MANBA: variants seen among roughly 807,000 people sequenced by gnomAD.
The protein encoded by MANBA is beta-mannosidase.
A neutral mutation model predicts 111.1 loss-of-function variants in MANBA; 83 were observed. That is an observed-to-expected ratio of 0.75 (90% CI 0.63 to 0.90). MANBA has a LOEUF of 0.90. Ranked by LOEUF, MANBA falls within the 40% of genes least tolerant of loss-of-function variation. The pLI, the probability that MANBA is intolerant of heterozygous loss-of-function variation, is 0.00. For synonymous variants in MANBA, 370 were observed against 378.7 expected (o/e 0.98, Z 0.27); for missense variants, 1,036 against 1,069.0 (o/e 0.97, Z 0.43).
intron 7 of MANBA, among the ~76,000 whole-genome samples, chr4:102,680,549 T>C (rs773670027): frequency 4.7e-5 from 7 of 150,020 alleles, no homozygotes; most frequent in Non-Finnish European, 8.9e-5. Flanking sequence ...TGAGGTGAGA[T>C]GAGAAAGAAT....
chr4:102,750,086 T>C (rs955101445), intron 1 of MANBA, among the ~76,000 whole-genome samples: 1 of 152,232 alleles, frequency 6.6e-6, no homozygotes, highest in African/African-American at 2.4e-5. Flanking sequence ...TATTAATTGA[T>C]GACTATTTCT....
chr4:102,729,478 A>G, intron 1 of MANBA: 1 of 1,180,596 alleles, frequency 8.5e-7, no homozygotes, highest in Non-Finnish European at 1.3e-6. Context: ...CAGCTCCTGG[A>G]TCTCCTCTTC....
chr4:102,683,023 A>T (rs1008529394), intron 7 of MANBA: 12 of 152,218 alleles, frequency 7.9e-5, no homozygotes, highest in Admixed American at 4.6e-4. Context: ...TCCTAATTCC[A>T]TATCTTTGGC....
chr4:102,645,257 T>C (rs538183292), intron 13 of MANBA, among the ~76,000 whole-genome samples: 3 of 152,108 alleles, frequency 2.0e-5, no homozygotes, highest in South Asian at 2.1e-4. Context: ...TGGATTTGGA[T>C]TGATACCATT....
At position 102,632,095 on chromosome 4, in the gene MANBA, G is replaced by T; in HGVS notation, c.2602C>A (p.Gln868Lys). Reference sequence around the variant, plus strand: ...GTTAAGGAGGTCACATGAAAAGATTGCTCCAACTCATTCTTGCTGGTGGGC... The same window carrying T: ...GTTAAGGAGGTCACATGAAAAGATTTCTCCAACTCATTCTTGCTGGTGGGC... ...WEPTSKNELEQSFHVTSLTDI... is the reference protein window; with the variant it reads ...WEPTSKNELEKSFHVTSLTDI... The change falls in exon 17 of 17, where the codon CAA becomes AAA. Residue 868 changes from glutamine to lysine, a missense_variant. Coordinates refer to ENST00000647097, the MANE Select transcript of MANBA (RefSeq NM_005908.4). 6.2e-7 allele frequency: 1 copy of T among 1,611,154 alleles called. No individual in the cohort carries two copies. Among genetic ancestry groups the T allele is most frequent in the Non-Finnish European group, 8.5e-7 (1 of 1,178,234 alleles).
chr4:102,728,865 A>C, intron 1 of MANBA: 1 of 817,408 alleles, frequency 1.2e-6, no homozygotes, highest in Non-Finnish European at 2.1e-6. Context: ...CCCACACCAG[A>C]GCCAAAGCTG....
intron 5 of MANBA, among the ~76,000 whole-genome samples, chr4:102,703,771 T>A (rs1372258187): frequency 6.6e-6 from 1 of 152,106 alleles, no homozygotes. Flanking sequence ...CTCCCCACTT[T>A]GCAAGCCCCT....
chr4:102,632,332 T>C (rs1195772717), intron 16 of MANBA, 51 bp from the exon 17 acceptor site: 10 of 1,326,378 alleles, frequency 7.5e-6, no homozygotes, highest in South Asian at 1.2e-5. Context: ...GGAAGAGTTA[T>C]ATAGTCTGTA....
At chr4:102,641,744 AC>A (rs1228461456) in intron 13 of MANBA, among the ~76,000 whole-genome samples, 1 of 152,124 alleles carries the variant, frequency 6.6e-6, no homozygotes, top group Non-Finnish European at 1.5e-5. Flanking sequence ...ATCCATTCTA[AC>A]ATTAATCTCC....
chr4:102,729,115 C>G, intron 1 of MANBA: 7 of 737,310 alleles, frequency 9.5e-6, no homozygotes, highest in South Asian at 8.1e-5. Context: ...CCAGCTTGGA[C>G]AGCTTGGCGT....
At chr4:102,649,742 A>C (rs570364569) in intron 13 of MANBA, among the ~76,000 whole-genome samples, 21 of 152,064 alleles carry the variant, frequency 1.4e-4, no homozygotes, top group African/African-American at 5.1e-4. Context: ...CCATAATTTC[A>C]ATGGAGTATA....
chr4:102,702,086 C>T (rs1172924998), intron 5 of MANBA, among the ~76,000 whole-genome samples: 1 of 150,760 alleles, frequency 6.6e-6, no homozygotes. Context: ...TCTAAACTTC[C>T]CTTCTCGCTT....
At position 102,664,695 on chromosome 4, in the gene MANBA, A is replaced by G. The variant is rs376563905; in HGVS notation, c.1475T>C (p.Leu492Pro). The change falls in exon 11 of 17, where the codon CTC becomes CCC. Residue 492 changes from leucine (L) to proline (P), a missense_variant. Coordinates refer to ENST00000647097, the MANE Select transcript of MANBA (RefSeq NM_005908.4). ...VTLYVKNIRE[L>P]VLAGDKSRPF... is the part of the protein sequence containing the mutation. ...AAAATCATTACTTACTGCCAGTACG[A>G]GCTCTCTGATGTTTTTCACATAGAG... is the stretch of plus-strand genomic sequence containing the variant. 6.2e-7 allele frequency: 1 copy of G among 1,612,386 alleles called. No homozygotes were observed. The highest frequency in any genetic ancestry group is 1.3e-5 in the African/African-American group (1 of 75,002).
rs753218672 is a variant in MANBA, at chr4:102,634,792, A to G, written c.2411T>C (p.Ile804Thr). ...TCCGCCATGACCTGTGCTTACAGTG[A>G]TCTGCGCCTTGCAGAGCCCCACGGC... Reference protein sequence around the residue: ...KEAVGLCKAQITAIISQQGDI... With the variant: ...KEAVGLCKAQTTAIISQQGDI... Residue 804 changes from isoleucine to threonine, a missense_variant, in exon 16 of 17, where the codon ATC becomes ACC. Transcript: ENST00000647097. The G allele has an allele frequency of 8.1e-6, 13 of 1,613,416 alleles. No individual in the cohort carries two copies. In the South Asian group the frequency reaches 1.3e-4, roughly 16 times the overall value.
At chr4:102,652,756 G>T (rs965100757) in intron 12 of MANBA, among the ~76,000 whole-genome samples, 3 of 152,188 alleles carry the variant, frequency 2.0e-5, no homozygotes, top group Middle Eastern at 6.8e-3. Flanking sequence ...TCAGCCTGGT[G>T]TGGTGGCACA....
At chr4:102,759,137 CT>C (rs36126232) in intron 1 of MANBA, among the ~76,000 whole-genome samples, 166 of 138,122 alleles carry the variant, frequency 1.2e-3, no homozygotes, top group Non-Finnish European at 1.3e-3. Flanking sequence ...TTCTTTCTTT[CT>C]TTTTTTTTTT....
At chr4:102,685,729 C>A (rs227282) in intron 7 of MANBA, among the ~76,000 whole-genome samples, 97,877 of 151,426 alleles carry the variant, frequency 0.65, 31,758 homozygotes, top group South Asian at 0.8. Context: ...TAATAAAGTT[C>A]CAACAATAAT....
Position 102,723,911 on chromosome 4 carries a change from A to T in MANBA, c.329T>A (p.Leu110Gln), listed in dbSNP as rs771805747. 3.1e-6 allele frequency: 5 copies of T among 1,611,664 alleles called. No individual in the cohort carries two copies. The highest frequency in any genetic ancestry group is 4.2e-6 in the Non-Finnish European group (5 of 1,178,070). ...TTCCCCAATAGTGACTTCATTGAACAGGATTTTTGAAACCGTATCCACTCC... is the reference window on the plus strand; with the variant it reads ...TTCCCCAATAGTGACTTCATTGAACTGGATTTTTGAAACCGTATCCACTCC... ...LEGVDTVSKI[L>Q]FNEVTIGETD... The change falls in exon 3 of 17, where the codon CTG (leucine) becomes CAG (glutamine). Residue 110 changes from leucine to glutamine, a missense_variant. Coordinates refer to ENST00000647097, the MANE Select transcript of MANBA (RefSeq NM_005908.4).
intron 13 of MANBA, among the ~76,000 whole-genome samples, chr4:102,640,960 C>A (rs551369940): frequency 6.6e-6 from 1 of 152,096 alleles, no homozygotes; most frequent in African/African-American, 2.4e-5. Flanking sequence ...ATGGTGGGCA[C>A]CCCTGCCAGA....
Sources: allele counts gnomAD v4.1 joint callset (sites outside exome capture counted in the v4.1 genomes callset), GRCh38; gene constraint gnomAD v4.1.1; transcripts MANE v1.5; gene names NCBI Gene and HGNC (gene_info 2026-07-23, HGNC 2026-07-21).